SORCS3: variants seen among roughly 807,000 people sequenced by gnomAD.
The protein encoded by SORCS3 is VPS10 domain-containing receptor SorCS3.
In SORCS3, 57 loss-of-function variants were observed where a neutral mutation model predicts 146.3. That is an observed-to-expected ratio of 0.39 (90% confidence interval 0.31 to 0.49). SORCS3 has a LOEUF of 0.49. Among genes scored for constraint, SORCS3 ranks in the 20% least tolerant of loss-of-function variants. The pLI is 0.92. For synonymous variants in SORCS3, 653 were observed against 618.5 expected (o/e 1.06, Z -0.83); for missense variants, 1,341 against 1,575.5 (o/e 0.85, Z 2.52).
intron 19 of SORCS3, among the ~76,000 whole-genome samples, chr10:105,220,007 C>G (rs565813231): frequency 6.6e-6 from 1 of 152,320 alleles, no homozygotes; most frequent in South Asian, 2.1e-4. Flanking sequence ...TGCTCTTGGC[C>G]TTACCCTGGG....
At chr10:104,999,205 C>T (rs991685570) in intron 4 of SORCS3, among the ~76,000 whole-genome samples, 1 of 151,966 alleles carries the variant, frequency 6.6e-6, no homozygotes, top group East Asian at 1.9e-4. Flanking sequence ...TTGGTAAATT[C>T]TTTTTAGTCA....
chr10:104,777,016 G>C (rs1589495312), intron 1 of SORCS3, among the ~76,000 whole-genome samples: 1 of 151,808 alleles, frequency 6.6e-6, no homozygotes, highest in African/African-American at 2.4e-5. Flanking sequence ...GGGTGGTGGG[G>C]GGTGGAGGCT....
intron 3 of SORCS3, among the ~76,000 whole-genome samples, chr10:104,954,769 A>T (rs887949356): frequency 5.3e-5 from 8 of 152,086 alleles, no homozygotes; most frequent in Non-Finnish European, 1.2e-4. Flanking sequence ...GGCCCGTGCT[A>T]CCTGTTTAGA....
At chr10:105,057,240 A>T (rs1182953249) in intron 5 of SORCS3, among the ~76,000 whole-genome samples, 1 of 152,112 alleles carries the variant, frequency 6.6e-6, no homozygotes, top group African/African-American at 2.4e-5. Flanking sequence ...CTCCAGCCAG[A>T]AGTACTCAGA....
chr10:104,900,982 T>A (rs372206189), intron 2 of SORCS3, among the ~76,000 whole-genome samples: 25 of 152,198 alleles, frequency 1.6e-4, no homozygotes, highest in African/African-American at 6.0e-4. Context: ...ATTTTTCAGG[T>A]TCCAAGCCTT....
At chr10:104,748,929 C>T (rs1317262089) in intron 1 of SORCS3, among the ~76,000 whole-genome samples, 1 of 152,104 alleles carries the variant, frequency 6.6e-6, no homozygotes, top group South Asian at 2.1e-4. Flanking sequence ...CAGCAGATTC[C>T]CAGAAGAGGG....
intron 3 of SORCS3, among the ~76,000 whole-genome samples, chr10:104,973,564 C>T (rs375049560): frequency 1.7e-3 from 257 of 149,474 alleles, no homozygotes; most frequent in Middle Eastern, 0.01. Flanking sequence ...TTTTTTATTG[C>T]GTCTATTTGA....
At chr10:104,987,702 A>T (rs2054970446) in intron 4 of SORCS3, among the ~76,000 whole-genome samples, 1 of 152,156 alleles carries the variant, frequency 6.6e-6, no homozygotes, top group Admixed American at 6.6e-5. Context: ...TATTATTTAC[A>T]ACTCAGCAAC....
intron 3 of SORCS3, among the ~76,000 whole-genome samples, chr10:104,924,529 C>T (rs753050163): frequency 6.6e-6 from 1 of 152,178 alleles, no homozygotes; most frequent in Non-Finnish European, 1.5e-5. Flanking sequence ...TCAAATGAAC[C>T]TGGGTGGGAA....
intron 3 of SORCS3, among the ~76,000 whole-genome samples, chr10:104,923,005 C>T (rs1384934829): frequency 6.6e-6 from 1 of 152,188 alleles, no homozygotes; most frequent in African/African-American, 2.4e-5. Context: ...TAGGGTAAGA[C>T]CACTAGAGTA....
At chr10:105,094,805 A>G (rs1199460337) in intron 6 of SORCS3, among the ~76,000 whole-genome samples, 3 of 152,226 alleles carry the variant, frequency 2.0e-5, no homozygotes, top group African/African-American at 4.8e-5. Flanking sequence ...CATTCTGGAT[A>G]GAGAGAAGAA....
chr10:105,132,179 A>G (rs2056024083), intron 7 of SORCS3, among the ~76,000 whole-genome samples: 2 of 152,102 alleles, frequency 1.3e-5, no homozygotes, highest in Admixed American at 6.6e-5. Flanking sequence ...TGATTTTCCT[A>G]CACCTGTTTC....
chr10:104,960,953 G>C (rs1164669177), intron 3 of SORCS3, among the ~76,000 whole-genome samples: 1 of 152,122 alleles, frequency 6.6e-6, no homozygotes, highest in Non-Finnish European at 1.5e-5. Flanking sequence ...AATGGATGCT[G>C]TGCAATTAAT....
intron 1 of SORCS3, among the ~76,000 whole-genome samples, chr10:104,689,700 A>G (rs1036892646): frequency 1.5e-4 from 23 of 152,172 alleles, no homozygotes; most frequent in African/African-American, 5.1e-4. Flanking sequence ...ACTGGATGAT[A>G]ACATCTTGCA....
At chr10:105,204,202 A>T (rs10884115) in intron 16 of SORCS3, among the ~76,000 whole-genome samples, 3 of 151,882 alleles carry the variant, frequency 2.0e-5, no homozygotes, top group African/African-American at 7.3e-5. Flanking sequence ...GAGAAGAAAC[A>T]TCTTGGATAT....
intron 5 of SORCS3, among the ~76,000 whole-genome samples, chr10:105,085,184 T>C (rs2055652245): frequency 6.6e-6 from 1 of 152,166 alleles, no homozygotes; most frequent in Non-Finnish European, 1.5e-5. Flanking sequence ...CTGGAATGAG[T>C]AGGACATCTT....
In SORCS3 at chr10:104,641,851, G is replaced by C. The variant is rs770392995; in HGVS notation, c.524G>C (p.Gly175Ala). Reference sequence around the variant, plus strand: ...GAGGTGAAGGCGCCGCGGGCTGGGGGGTCGGCGGCTGAAGACCTCCGGCTG... The same window carrying C: ...GAGGTGAAGGCGCCGCGGGCTGGGGCGTCGGCGGCTGAAGACCTCCGGCTG... ...REEVKAPRAG[G>A]SAAEDLRLPS... Residue 175 changes from glycine to alanine, a missense_variant, in exon 1 of 27, where the codon GGG (glycine) becomes GCG (alanine). Transcript: ENST00000369701. The surrounding 1 kb of genome is among the most constrained non-coding windows in gnomAD (Gnocchi z 6.4). 2 of 1,571,592 alleles carry C rather than the reference G, an allele frequency of 1.3e-6. No individual in the cohort carries two copies. Among genetic ancestry groups the C allele is most frequent in the South Asian group, 1.2e-5 (1 of 85,916 alleles).
intron 3 of SORCS3, among the ~76,000 whole-genome samples, chr10:104,967,923 A>C (rs1404787): frequency 6.6e-6 from 1 of 151,664 alleles, no homozygotes; most frequent in Non-Finnish European, 1.5e-5. Flanking sequence ...GGCTCCCAAA[A>C]TGCTGGGATT....
At chr10:105,065,459 A>G (rs73344310) in intron 5 of SORCS3, among the ~76,000 whole-genome samples, 8,937 of 152,074 alleles carry the variant, frequency 0.059, 283 homozygotes, top group Middle Eastern at 0.088. Flanking sequence ...TTGAGAACCA[A>G]CTGCACACGA....
Sources: allele counts gnomAD v4.1 joint callset (sites outside exome capture counted in the v4.1 genomes callset), GRCh38; gene constraint gnomAD v4.1.1; non-coding constraint Gnocchi (gnomAD v3.1); transcripts MANE v1.5; gene names NCBI Gene and HGNC (gene_info 2026-07-23, HGNC 2026-07-21).